MED27: variants seen among roughly 807,000 people sequenced by gnomAD.
The protein encoded by MED27 is mediator complex subunit 27.
MED27 carries 30 observed loss-of-function variants against 38.2 expected under a neutral mutation model. The observed-to-expected ratio is 0.79, with a 90% confidence interval of 0.59 to 1.07. MED27 has a LOEUF of 1.07. Among genes scored for constraint, MED27 ranks in the 50% least tolerant of loss-of-function variants. The pLI is 0.00. For synonymous variants in MED27, 122 were observed against 153.5 expected, an observed-to-expected ratio of 0.79 and a Z score of 1.52; for missense variants, 289 against 397.5, an observed-to-expected ratio of 0.73 and a Z score of 2.32.
At chr9:132,075,970 C>G (rs962134410) in intron 2 of MED27, among the ~76,000 whole-genome samples, 1 of 152,230 alleles carries the variant, frequency 6.6e-6, no homozygotes, top group African/African-American at 2.4e-5. Flanking sequence ...ATCCCACCCA[C>G]GGGTGCAGTG....
intron 2 of MED27, chr9:132,073,592 G>A (rs1289311237): frequency 1.4e-6 from 2 of 1,406,340 alleles, no homozygotes; most frequent in Non-Finnish European, 1.8e-6. Flanking sequence ...ACAGAAAAGA[G>A]CACCTTCAGA....
chr9:131,924,260 T>G (rs1478298676), intron 4 of MED27, among the ~76,000 whole-genome samples: 28 of 152,158 alleles, frequency 1.8e-4, no homozygotes, highest in Non-Finnish European at 1.5e-5. Flanking sequence ...TTTTTTTAAT[T>G]TTTGCCAATC....
intron 4 of MED27, among the ~76,000 whole-genome samples, chr9:131,903,516 C>T (rs1829992584): frequency 6.6e-6 from 1 of 152,138 alleles, no homozygotes; most frequent in Admixed American, 6.5e-5. Flanking sequence ...GGGTTTGGAG[C>T]CTGAGACCCA....
At chr9:132,038,120 CTCATTCATTCAT>C (rs147264332) in intron 2 of MED27, among the ~76,000 whole-genome samples, 1 of 151,572 alleles carries the variant, frequency 6.6e-6, no homozygotes, top group Non-Finnish European at 1.5e-5. Context: ...AGGCTACACT[CTCATTCATTCAT>C]TCATTCATTC....
chr9:131,977,645 A>G (rs933308472), intron 3 of MED27, among the ~76,000 whole-genome samples: 2 of 152,168 alleles, frequency 1.3e-5, no homozygotes, highest in Admixed American at 1.3e-4. Context: ...CAGCACCCCA[A>G]TAGCCTGGGG....
intron 3 of MED27, among the ~76,000 whole-genome samples, chr9:132,007,233 C>T (rs1372216260): frequency 6.6e-6 from 1 of 152,142 alleles, no homozygotes; most frequent in Non-Finnish European, 1.5e-5. Context: ...ACCTGAGAGG[C>T]AAGTCATCCA....
chr9:132,050,670 C>A (rs951416941), intron 2 of MED27, among the ~76,000 whole-genome samples: 1 of 152,212 alleles, frequency 6.6e-6, no homozygotes, highest in Non-Finnish European at 1.5e-5. Flanking sequence ...GCAGTTTCCT[C>A]TGCTGGAAGG....
chr9:132,049,192 T>C (rs1369513051), intron 2 of MED27, among the ~76,000 whole-genome samples: 1 of 152,188 alleles, frequency 6.6e-6, no homozygotes, highest in Non-Finnish European at 1.5e-5. Context: ...TTATCTCCAT[T>C]GATTTTACTT....
chr9:131,955,157 A>T (rs1056324151), intron 3 of MED27, among the ~76,000 whole-genome samples: 1 of 152,200 alleles, frequency 6.6e-6, no homozygotes, highest in Admixed American at 6.5e-5. Flanking sequence ...TATATTCAGA[A>T]ATTAAACACA....
intron 4 of MED27, among the ~76,000 whole-genome samples, chr9:131,927,571 G>A (rs899372995): frequency 6.6e-6 from 1 of 152,154 alleles, no homozygotes; most frequent in Non-Finnish European, 1.5e-5. Flanking sequence ...TCTCCTAAGA[G>A]TGAACTCCCT....
intron 3 of MED27, among the ~76,000 whole-genome samples, chr9:131,959,946 C>T (rs1206516073): frequency 6.6e-6 from 1 of 151,970 alleles, no homozygotes; most frequent in Non-Finnish European, 1.5e-5. Flanking sequence ...AGCCTGAGGA[C>T]TAAAGATGAG....
At chr9:132,002,842 G>C (rs1214507796) in intron 3 of MED27, among the ~76,000 whole-genome samples, 2 of 150,930 alleles carry the variant, frequency 1.3e-5, no homozygotes, top group African/African-American at 4.9e-5. Context: ...TTGAACCTGA[G>C]AGGTGGAGGT....
At chr9:132,050,823 T>C (rs1833449097) in intron 2 of MED27, among the ~76,000 whole-genome samples, 1 of 152,220 alleles carries the variant, frequency 6.6e-6, no homozygotes, top group Admixed American at 6.5e-5. Context: ...ATTGCTTTTA[T>C]AGTTTTGTCT....
intron 3 of MED27, among the ~76,000 whole-genome samples, chr9:131,998,373 C>T (rs897460009): frequency 2.0e-5 from 3 of 151,124 alleles, no homozygotes; most frequent in Non-Finnish European, 4.4e-5. Flanking sequence ...ATTATAGGAG[C>T]GGGAAACCAA....
intron 3 of MED27, among the ~76,000 whole-genome samples, chr9:131,945,075 A>G (rs1370363144): frequency 1.4e-5 from 2 of 146,870 alleles, no homozygotes; most frequent in Admixed American, 1.4e-4. Flanking sequence ...ATTTATATAT[A>G]AATATATATA....
Position 132,043,301 on chromosome 9 carries a change from A to AT in MED27, c.349-28835dup, listed in dbSNP as rs541414244. On this transcript the variant is annotated intron_variant, in intron 2 of 7. Coordinates refer to ENST00000292035, the MANE Select transcript of MED27 (RefSeq NM_004269.4). ...ACTTACTTGACCTTTTAAGGCTTCT[A>AT]TTTTTTTTTTTTCTTAAAAAAAAAA... 7.7e-3 allele frequency among the ~76,000 whole-genome samples: 993 copies of AT among 128,144 alleles called. 15 individuals carry two copies. The highest frequency in any genetic ancestry group is 0.062 in the South Asian group (262 of 4,208). The allele number at this position is 128,144 out of a possible 152,430, so 84.1% of individuals were successfully genotyped here. A position where few individuals can be genotyped will look rare whatever the true frequency, so the allele number is the denominator to read the frequency against.
intron 3 of MED27, among the ~76,000 whole-genome samples, chr9:132,004,264 A>T (rs1350810887): frequency 1.3e-5 from 2 of 152,246 alleles, no homozygotes; most frequent in Non-Finnish European, 2.9e-5. Flanking sequence ...ATAACGACAG[A>T]GAGCATTTAA....
At chr9:131,898,095 G>A (rs982939303) in intron 4 of MED27, among the ~76,000 whole-genome samples, 1 of 150,550 alleles carries the variant, frequency 6.6e-6, no homozygotes, top group Non-Finnish European at 1.5e-5. Context: ...ATGAGATGCA[G>A]GTTTGATTTT....
intron 3 of MED27, among the ~76,000 whole-genome samples, chr9:131,940,249 G>A (rs1288421753): frequency 1.3e-5 from 2 of 152,000 alleles, no homozygotes; most frequent in African/African-American, 4.8e-5. Flanking sequence ...TGATCTCCTG[G>A]TTGTGCTCTA....
Sources: gnomAD v4.1 joint callset for allele counts (sites outside exome capture counted in the v4.1 genomes callset) on GRCh38, gnomAD v4.1.1 for gene constraint, MANE v1.5 for transcripts, NCBI Gene and HGNC (gene_info 2026-07-23, HGNC 2026-07-21) for gene names.